SNTB2: variants seen among roughly 807,000 people sequenced by gnomAD.
The protein encoded by SNTB2 is beta-2-syntrophin.
Under a neutral mutation model 46.2 loss-of-function variants are expected in SNTB2, and 34 were observed. The observed-to-expected ratio is 0.74, with a 90% CI of 0.56 to 0.98. SNTB2 has a LOEUF of 0.98. Among genes scored for constraint, SNTB2 ranks in the 50% least tolerant of loss-of-function variants. The pLI is 0.00. For missense variants in SNTB2, 603 were observed against 731.4 expected, an observed-to-expected ratio of 0.82 and a Z score of 2.02; for synonymous variants, 290 against 312.6, an observed-to-expected ratio of 0.93 and a Z score of 0.76.
Position 69,306,769 on chromosome 16 carries a change from C to G in SNTB2, c.*5845C>G, listed in dbSNP as rs1965319905. On this transcript the variant is annotated 3_prime_UTR_variant, in exon 7 of 7. Transcript: ENST00000336278. The stretch of plus-strand genomic sequence containing the variant: ...TGGCCAACATGGTGAAACCCCATCT[C>G]TACTAAAAATACAAAAAGTTAGCTG... 6.6e-6 allele frequency: 1 copy of G among 152,174 alleles called. No homozygotes were observed. Among genetic ancestry groups the G allele is most frequent in the South Asian group, 2.1e-4 (1 of 4,828 alleles). 9.4% of individuals were successfully genotyped at this position (152,174 alleles called of 1,614,324 possible). A position where few individuals can be genotyped will look rare whatever the true frequency, so the allele number is the denominator to read the frequency against.
chr16:69,272,572 C>T (rs956316943), intron 4 of SNTB2, among the ~76,000 whole-genome samples: 1 of 147,082 alleles, frequency 6.8e-6, no homozygotes, highest in Admixed American at 6.8e-5. Context: ...ATAATTATTC[C>T]AAGTCAGTAA....
chr16:69,230,577 G>C (rs1299717808), intron 1 of SNTB2: 1 of 151,522 alleles, frequency 6.6e-6, no homozygotes, highest in Non-Finnish European at 1.5e-5. Flanking sequence ...TGACCAAGCT[G>C]GTCTCCAACT....
At chr16:69,199,561 C>T (rs1266630187) in intron 1 of SNTB2, among the ~76,000 whole-genome samples, 3 of 136,668 alleles carry the variant, frequency 2.2e-5, no homozygotes, top group Non-Finnish European at 4.6e-5. Context: ...CACCACTGCA[C>T]TCCAGGTCTG....
chr16:69,270,294 G>T lies in SNTB2; in HGVS notation c.1148+9G>T, dbSNP rs770141968. On this transcript the variant is annotated intron_variant, in intron 4 of 6. Coordinates refer to ENST00000336278, the MANE Select transcript of SNTB2 (RefSeq NM_006750.4). The stretch of plus-strand genomic sequence containing the variant: ...CCACTTGTTGCCACCAGGTAAGTAA[G>T]ACTAAAGATAAGGAAGTAAAATATT... 3 of 1,613,812 alleles carry T rather than the reference G, an allele frequency of 1.9e-6. No individual in the cohort carries two copies. The East Asian group carries it at 6.7e-5, about 36-fold the overall frequency.
intron 1 of SNTB2, among the ~76,000 whole-genome samples, chr16:69,212,214 C>T (rs1295311946): frequency 6.6e-6 from 1 of 152,124 alleles, no homozygotes; most frequent in Non-Finnish European, 1.5e-5. Flanking sequence ...TCTAGGTTAT[C>T]TGCCTGGGAC....
At chr16:69,271,240 G>T (rs1964934407) in intron 4 of SNTB2, among the ~76,000 whole-genome samples, 2 of 152,052 alleles carry the variant, frequency 1.3e-5, no homozygotes, top group African/African-American at 4.8e-5. Flanking sequence ...TAGAGCTGGA[G>T]CTCCTAGATC....
intron 5 of SNTB2, among the ~76,000 whole-genome samples, chr16:69,298,736 A>T (rs372422203): frequency 6.6e-6 from 1 of 151,606 alleles, no homozygotes; most frequent in African/African-American, 2.4e-5. Context: ...TGGCCAGGCT[A>T]GTCTCTAACT....
intron 1 of SNTB2, among the ~76,000 whole-genome samples, chr16:69,203,284 C>T (rs1156298945): frequency 5.3e-5 from 8 of 152,100 alleles, no homozygotes; most frequent in African/African-American, 1.7e-4. Flanking sequence ...TCCCAAAGTG[C>T]TGGGATTACA....
At chr16:69,248,869 CTT>C (rs557681788) in intron 2 of SNTB2, among the ~76,000 whole-genome samples, 42 of 118,708 alleles carry the variant, frequency 3.5e-4, no homozygotes, top group Non-Finnish European at 5.1e-4. Context: ...TAATCATGGG[CTT>C]TTTTTTTTTT....
At chr16:69,266,546 G>A (rs762164737) in intron 3 of SNTB2, among the ~76,000 whole-genome samples, 1 of 152,102 alleles carries the variant, frequency 6.6e-6, no homozygotes, top group African/African-American at 2.4e-5. Context: ...TTAAACAAAG[G>A]TCTCTTTCTT....
chr16:69,238,667 G>A (rs945089351), intron 1 of SNTB2, among the ~76,000 whole-genome samples: 1 of 152,062 alleles, frequency 6.6e-6, no homozygotes, highest in Non-Finnish European at 1.5e-5. Context: ...CTGTCAAGGG[G>A]AACGCTATCC....
In SNTB2 at chr16:69,300,865, G is replaced by T; in HGVS notation, c.1564G>T (p.Val522Leu). 1.2e-6 allele frequency: 2 copies of T among 1,613,912 alleles called. No individual in the cohort carries two copies. Among genetic ancestry groups the T allele is most frequent in the Non-Finnish European group, 1.7e-6 (2 of 1,179,922 alleles). Reference sequence around the variant, plus strand: ...CCTGCACTCTTGTCCGAAGCCGATTGTATTTGTGTTGCACACGTTTTTATC... The same window carrying T: ...CCTGCACTCTTGTCCGAAGCCGATTTTATTTGTGTTGCACACGTTTTTATC... ...MDLHSCPKPI[V>L]FVLHTFLSAK... The change falls in exon 7 of 7, where the codon GTA (valine) becomes TTA (leucine). Residue 522 changes from valine to leucine, a missense_variant. Physicochemically the swap from Val to Leu is conservative, Grantham distance 32 (BLOSUM62 1). Coordinates refer to ENST00000336278, the MANE Select transcript of SNTB2 (RefSeq NM_006750.4).
At position 69,307,152 on chromosome 16, in the gene SNTB2, TC is replaced by T. The variant is rs1458598142; in HGVS notation, c.*6229del. On this transcript the variant is annotated 3_prime_UTR_variant, in exon 7 of 7. Transcript: ENST00000336278. ...AGGGTCCAAAAGAAAGTTCCTGCCCTCTAGTAGCACATAATCCGTTATTTCT... is the reference window on the plus strand; with the variant it reads ...AGGGTCCAAAAGAAAGTTCCTGCCCTTAGTAGCACATAATCCGTTATTTCT... 2.0e-5 allele frequency: 3 copies of T among 152,228 alleles called. No homozygotes were observed. Among genetic ancestry groups the T allele is most frequent in the African/African-American group, 7.2e-5 (3 of 41,456 alleles). 9.4% of individuals were successfully genotyped at this position (152,228 alleles called of 1,614,324 possible).
intron 3 of SNTB2, 104 bp from the exon 4 acceptor site, chr16:69,270,039 G>A (rs1172796542): frequency 1.5e-6 from 2 of 1,364,102 alleles, no homozygotes; most frequent in Non-Finnish European, 2.1e-6. Flanking sequence ...CATCAGGTTG[G>A]GAAAACAAAA....
chr16:69,245,853 T>C (rs769545221), intron 2 of SNTB2, 38 bp downstream of exon 2: 25 of 1,588,924 alleles, frequency 1.6e-5, no homozygotes, highest in Non-Finnish European at 2.1e-5. Flanking sequence ...ACCTACAGCT[T>C]TACAAACTTA....
At chr16:69,292,366 A>AT (rs1350989545) in intron 5 of SNTB2, among the ~76,000 whole-genome samples, 1 of 29,236 alleles carries the variant, frequency 3.4e-5, no homozygotes, top group Non-Finnish European at 6.4e-5. Flanking sequence ...ATATATATAT[A>AT]TATATATATA....
intron 1 of SNTB2, among the ~76,000 whole-genome samples, chr16:69,244,554 A>G (rs1195856550): frequency 6.6e-6 from 1 of 152,214 alleles, no homozygotes; most frequent in Non-Finnish European, 1.5e-5. Context: ...CAAGAACACC[A>G]TGCCTCGAGT....
At position 69,305,648 on chromosome 16, in the gene SNTB2, A is replaced by G. The variant is rs969532056; in HGVS notation, c.*4724A>G. On this transcript the variant is annotated 3_prime_UTR_variant, in exon 7 of 7. Transcript: ENST00000336278. ...CTTTAAGTTGAATTTGACTGTAGTCATTCATTCTTTTTATATATCTCTGTC... is the reference window on the plus strand; with the variant it reads ...CTTTAAGTTGAATTTGACTGTAGTCGTTCATTCTTTTTATATATCTCTGTC... The G allele has an allele frequency of 2.0e-5, 3 of 152,182 alleles. No homozygotes were observed. Among genetic ancestry groups the G allele is most frequent in the African/African-American group, 7.2e-5 (3 of 41,440 alleles). The allele number at this position is 152,182 out of a possible 1,614,324, so 9.4% of individuals were successfully genotyped here.
chr16:69,294,483 G>T (rs1326962200), intron 5 of SNTB2, among the ~76,000 whole-genome samples: 1 of 152,090 alleles, frequency 6.6e-6, no homozygotes, highest in East Asian at 1.9e-4. Flanking sequence ...CAGCATTTTG[G>T]GAGGCCAAGG....
Sources: allele counts gnomAD v4.1 joint callset (sites outside exome capture counted in the v4.1 genomes callset), GRCh38; gene constraint gnomAD v4.1.1; transcripts MANE v1.5; gene names NCBI Gene and HGNC (gene_info 2026-07-23, HGNC 2026-07-21).